The following COX7A2L variants were observed in gnomAD, a reference collection of about 807,000 sequenced individuals.
COX7A2L encodes cytochrome c oxidase subunit 7A2 like.
In COX7A2L, 18 loss-of-function variants were observed where a neutral mutation model predicts 14.2. That is an observed-to-expected ratio of 1.27 (90% CI 0.88 to 1.88). The LOEUF (loss-of-function observed/expected upper bound fraction) is 1.88. COX7A2L is among the 40% of genes most tolerant of loss of function. The pLI, the probability that COX7A2L is intolerant of heterozygous loss-of-function variation, is 0.00. For synonymous variants in COX7A2L, 65 were observed against 57.4 expected (o/e 1.13, Z -0.60); for missense variants, 179 against 138.8 (o/e 1.29, Z -1.46).
At chr2:42,356,967 A>C (rs1475727059) in intron 1 of COX7A2L, among the ~76,000 whole-genome samples, 1 of 152,200 alleles carries the variant, frequency 6.6e-6, no homozygotes, top group Non-Finnish European at 1.5e-5. Flanking sequence ...GAAAAATCAC[A>C]TACTTTACTT....
chr2:42,341,672 G>A (rs1240507146), intron 2 of COX7A2L, among the ~76,000 whole-genome samples: 1 of 152,216 alleles, frequency 6.6e-6, no homozygotes, highest in Middle Eastern at 3.2e-3. Context: ...TTCCAGAGGA[G>A]GCAAGGGAAC....
chr2:42,350,911 C>A lies in COX7A2L; in HGVS notation c.*308G>T. ...TGCTCAAAAATGCAACCTCAAGTCC[C>A]TGAGGTCCTCAGCACAGACTGACAT... On this transcript the variant is annotated 3_prime_UTR_variant, in exon 3 of 3. Transcript: ENST00000234301. The A allele has an allele frequency of 5.1e-6, 1 of 196,344 alleles. No individual in the cohort carries two copies. Among genetic ancestry groups the A allele is most frequent in the East Asian group, 1.2e-4 (1 of 8,212 alleles). The allele number at this position is 196,344 out of a possible 1,614,324, so 12.2% of individuals were successfully genotyped here. A position where few individuals can be genotyped will look rare whatever the true frequency, so the allele number is the denominator to read the frequency against.
intron 1 of COX7A2L, among the ~76,000 whole-genome samples, chr2:42,353,848 T>C (rs1670729128): frequency 6.6e-6 from 1 of 152,188 alleles, no homozygotes; most frequent in South Asian, 2.1e-4. Flanking sequence ...CTTTTCGAAA[T>C]GAACTTTTCA....
intron 1 of COX7A2L, among the ~76,000 whole-genome samples, chr2:42,356,382 T>A (rs767891938): frequency 6.6e-6 from 1 of 152,224 alleles, no homozygotes; most frequent in Non-Finnish European, 1.5e-5. Context: ...CCCACTATAA[T>A]GGAAGCTCCA....
chr2:42,337,946 C>T (rs1354725615), intron 2 of COX7A2L, among the ~76,000 whole-genome samples: 1 of 152,184 alleles, frequency 6.6e-6, no homozygotes, highest in Non-Finnish European at 1.5e-5. Context: ...GCCCGCTCTG[C>T]TACCATGGGT....
upstream of COX7A2L, among the ~76,000 whole-genome samples, chr2:42,365,344 C>T (rs1281065803): frequency 1.3e-5 from 2 of 152,082 alleles, no homozygotes; most frequent in Non-Finnish European, 2.9e-5. Context: ...AATACAAAGT[C>T]GGTTGGGCAC....
upstream of COX7A2L, among the ~76,000 whole-genome samples, chr2:42,365,173 A>G (rs563457201): frequency 3.3e-5 from 5 of 152,338 alleles, no homozygotes; most frequent in East Asian, 5.8e-4. Flanking sequence ...CAGTTGTCTT[A>G]TGCATAGAAT....
chr2:42,344,696 CG>C (rs1296064823), downstream of COX7A2L, among the ~76,000 whole-genome samples: 1 of 151,946 alleles, frequency 6.6e-6, no homozygotes, highest in Non-Finnish European at 1.5e-5. Flanking sequence ...ACTAAAAATA[CG>C]AAAAATTAGC....
chr2:42,367,999 GTGTT>G (rs1671200738), intron 1 of COX7A2L, among the ~76,000 whole-genome samples: 3 of 152,164 alleles, frequency 2.0e-5, no homozygotes, highest in Admixed American at 2.0e-4. Flanking sequence ...TCAAATCAAG[GTGTT>G]TGTGTTTTCT....
upstream of COX7A2L, among the ~76,000 whole-genome samples, chr2:42,363,833 CACCA>C (rs903847073): frequency 3.3e-5 from 5 of 152,332 alleles, no homozygotes; most frequent in Middle Eastern, 0.014. Flanking sequence ...GCTTGCCAAT[CACCA>C]GGTGAACTGA....
intron 2 of COX7A2L, among the ~76,000 whole-genome samples, chr2:42,341,996 T>C (rs1052261847): frequency 2.0e-5 from 3 of 152,116 alleles, no homozygotes; most frequent in Non-Finnish European, 4.4e-5. Flanking sequence ...CATGGAGGCT[T>C]TGTGGCCTAA....
chr2:42,341,670 G>C (rs892214755), intron 2 of COX7A2L, among the ~76,000 whole-genome samples: 3 of 152,224 alleles, frequency 2.0e-5, no homozygotes, highest in Non-Finnish European at 2.9e-5. Context: ...AGTTCCAGAG[G>C]AGGCAAGGGA....
chr2:42,342,220 C>T lies in COX7A2L; in HGVS notation c.193-8351G>A, dbSNP rs565881251. ...CAACTGAAGCCTAAGCCTGGTACAG[C>T]TGGAACCCTGAAGGGGGCCCTGGAC... On this transcript the variant is annotated intron_variant, in intron 2 of 2. Transcript: ENST00000468711. The surrounding 1 kb of genome is among the most constrained non-coding windows in gnomAD (Gnocchi z 4.9). Among the ~76,000 whole-genome samples, 1 of 152,254 alleles carries T rather than the reference C, an allele frequency of 6.6e-6. No individual in the cohort carries two copies. The highest frequency in any genetic ancestry group is 2.1e-4 in the South Asian group (1 of 4,826).
intron 2 of COX7A2L, among the ~76,000 whole-genome samples, chr2:42,340,850 G>A (rs1670389697): frequency 6.6e-6 from 1 of 152,168 alleles, no homozygotes; most frequent in South Asian, 2.1e-4. Context: ...CTTTCTCCAT[G>A]TCTCCACTGC....
chr2:42,364,736 A>G (rs1210740912), upstream of COX7A2L, among the ~76,000 whole-genome samples: 1 of 152,208 alleles, frequency 6.6e-6, no homozygotes, highest in Non-Finnish European at 1.5e-5. Context: ...TTCTTAAAGC[A>G]TGGTGTTTTC....
At chr2:42,361,510 T>A (rs1671050020), upstream of COX7A2L, 1 of 195,528 alleles carries the variant, frequency 5.1e-6, no homozygotes, top group Non-Finnish European at 1.1e-5. Context: ...CCCGGCGGAC[T>A]AAGCCCGGCA....
chr2:42,362,089 G>A (rs1671070551), upstream of COX7A2L, among the ~76,000 whole-genome samples: 1 of 152,042 alleles, frequency 6.6e-6, no homozygotes, highest in Non-Finnish European at 1.5e-5. Context: ...TCCTTTTCCT[G>A]GCCTCTGCTC....
intron 1 of COX7A2L, among the ~76,000 whole-genome samples, chr2:42,357,345 G>C (rs2103903164): frequency 6.6e-6 from 1 of 152,240 alleles, no homozygotes; most frequent in Non-Finnish European, 1.5e-5. Flanking sequence ...ATCTTACACT[G>C]TCACCCACGC....
upstream of COX7A2L, chr2:42,361,708 T>G (rs1468407576): frequency 6.5e-6 from 1 of 152,770 alleles, no homozygotes; most frequent in East Asian, 1.9e-4. Flanking sequence ...TGAAGGCGTC[T>G]CTTGCTTTAC....
Sources: allele counts gnomAD v4.1 joint callset (sites outside exome capture counted in the v4.1 genomes callset), GRCh38; gene constraint gnomAD v4.1.1; non-coding constraint Gnocchi (gnomAD v3.1); transcripts MANE v1.5; gene names NCBI Gene and HGNC (gene_info 2026-07-23, HGNC 2026-07-21).